Variants in ADAM11 observed in about 807,000 individuals in gnomAD.
ADAM11 encodes the protein disintegrin and metalloproteinase domain-containing protein 11.
A neutral mutation model predicts 119.1 loss-of-function variants in ADAM11; 49 were observed. That is an observed-to-expected ratio of 0.41 (90% CI 0.33 to 0.52). The LOEUF is 0.52. Among genes scored for constraint, ADAM11 ranks in the 20% least tolerant of loss-of-function variants. ADAM11 has a pLI of 0.20. For synonymous variants in ADAM11, 364 were observed against 408.0 expected, an observed-to-expected ratio of 0.89 and a Z score of 1.30; for missense variants, 777 against 1,047.5, an observed-to-expected ratio of 0.74 and a Z score of 3.56.
chr17:44,781,154 A>T lies in ADAM11; in HGVS notation c.*1400A>T. ...GTTGCCCTGCCCTCACTCGGCAGGG[A>T]GTTCTGACACCCCAGGGCCCGTGAG... On this transcript the variant is annotated 3_prime_UTR_variant, in exon 27 of 27. Coordinates refer to ENST00000200557, the MANE Select transcript of ADAM11 (RefSeq NM_002390.6). The T allele has an allele frequency of 6.6e-6, 1 of 152,176 alleles. No homozygotes were observed. The highest frequency in any genetic ancestry group is 1.9e-4 in the East Asian group (1 of 5,194). 9.4% of individuals were successfully genotyped at this position (152,176 alleles called of 1,614,324 possible).
intron 2 of ADAM11, among the ~76,000 whole-genome samples, chr17:44,764,287 G>C (rs1478491310): frequency 6.6e-5 from 10 of 152,226 alleles, no homozygotes; most frequent in Admixed American, 6.5e-4. Context: ...GTGGGTGTGT[G>C]CTGCAACAGT....
chr17:44,759,289 C>T (rs925593329), intron 1 of ADAM11, 29 bp downstream of exon 1: 53 of 1,366,818 alleles, frequency 3.9e-5, no homozygotes, highest in Non-Finnish European at 4.8e-5. Context: ...GCCCCGGCGC[C>T]CCCTCCCTGC....
At chr17:44,779,159 T>A (rs2049654548) in intron 25 of ADAM11, 63 bp from the exon 26 acceptor site, 2 of 1,562,712 alleles carry the variant, frequency 1.3e-6, no homozygotes, top group South Asian at 2.4e-5. Context: ...GGCCCCTCCC[T>A]GAGAGAAGCA....
rs1349719343 is a variant in ADAM11, at chr17:44,772,860, C to T, written c.682C>T (p.Arg228Cys). The T allele has an allele frequency of 2.0e-5, 33 of 1,613,932 alleles. No individual in the cohort carries two copies. Among genetic ancestry groups the T allele is most frequent in the Non-Finnish European group, 2.5e-5 (30 of 1,179,962 alleles). The change falls in exon 9 of 27, where the codon CGC (arginine) becomes TGC (cysteine). Residue 228 changes from arginine to cysteine, a missense_variant. Transcript: ENST00000200557. The surrounding 1 kb of genome is among the most constrained non-coding windows in gnomAD (Gnocchi z 4.5). ...CAAGTGCCCACCCACCCCCCAGGTC[C>T]GCCGGGGCCACCCTACAGTGCACAG... ...RPRLRRKRQV[R>C]RGHPTVHSET...
intron 2 of ADAM11, among the ~76,000 whole-genome samples, 190 bp downstream of exon 2, chr17:44,760,087 C>T (rs1239819217): frequency 6.6e-6 from 1 of 152,168 alleles, no homozygotes; most frequent in Admixed American, 6.5e-5. Context: ...CCCAGGGCCC[C>T]CTTCCATTAT....
Position 44,780,112 on chromosome 17 carries a change from C to T in ADAM11, c.*358C>T, listed in dbSNP as rs2049672484. On this transcript the variant is annotated 3_prime_UTR_variant, in exon 27 of 27. Coordinates refer to ENST00000200557, the MANE Select transcript of ADAM11 (RefSeq NM_002390.6). ...CACCAGTGGACCTAGCCTGGATGGC[C>T]CCTCCTTGCAACCAGGCAGCTGAGA... 2 of 625,494 alleles carry T rather than the reference C, an allele frequency of 3.2e-6. No homozygotes were observed. The highest frequency in any genetic ancestry group is 6.0e-6 in the Non-Finnish European group (2 of 334,796). The allele number at this position is 625,494 out of a possible 1,614,324, so 38.7% of individuals were successfully genotyped here. A position where few individuals can be genotyped will look rare whatever the true frequency, so the allele number is the denominator to read the frequency against.
chr17:44,766,703 G>A (rs370624951), intron 2 of ADAM11, among the ~76,000 whole-genome samples: 6 of 151,700 alleles, frequency 4.0e-5, no homozygotes, highest in African/African-American at 1.2e-4. Context: ...GCCTGGGCAC[G>A]TTGAGATCAA....
intron 25 of ADAM11, 105 bp from the exon 26 acceptor site, chr17:44,779,117 G>C (rs2049653708): frequency 6.9e-7 from 1 of 1,456,626 alleles, no homozygotes; most frequent in African/African-American, 1.5e-5. Context: ...CCCCGGCCCC[G>C]CTCTGGGGCA....
intron 1 of ADAM11, 143 bp downstream of exon 1, chr17:44,759,403 G>A: frequency 7.9e-7 from 1 of 1,258,338 alleles, no homozygotes. Flanking sequence ...AGCGGGAGAG[G>A]AGGGAAGGTG....
At chr17:44,764,527 C>T (rs918272037) in intron 2 of ADAM11, among the ~76,000 whole-genome samples, 6 of 152,058 alleles carry the variant, frequency 3.9e-5, no homozygotes, top group Non-Finnish European at 8.8e-5. Flanking sequence ...TTTGCTGGGC[C>T]CAGCTTGTTC....
At chr17:44,770,501 C>A (rs867724262) in intron 4 of ADAM11, among the ~76,000 whole-genome samples, 1 of 10,710 alleles carries the variant, frequency 9.3e-5, no homozygotes, top group African/African-American at 2.7e-4. Flanking sequence ...CCCCCCCCCG[C>A]CCCCACTGCC....
chr17:44,780,322 G>T lies in ADAM11; in HGVS notation c.*568G>T. ...GGCCATGCCCTAGACCCTCCCCAAG[G>T]ATGACCACACCCGAAGTCCTGTCAC... On this transcript the variant is annotated 3_prime_UTR_variant, in exon 27 of 27. Coordinates refer to ENST00000200557, the MANE Select transcript of ADAM11 (RefSeq NM_002390.6). The T allele has an allele frequency of 2.8e-6, 1 of 362,314 alleles. No individual in the cohort carries two copies. Among genetic ancestry groups the T allele is most frequent in the East Asian group, 7.8e-5 (1 of 12,856 alleles). The allele number at this position is 362,314 out of a possible 1,614,324, so 22.4% of individuals were successfully genotyped here. A position where few individuals can be genotyped will look rare whatever the true frequency, so the allele number is the denominator to read the frequency against.
At position 44,777,615 on chromosome 17, in the gene ADAM11, C is replaced by A; in HGVS notation, c.1901+14C>A. ...GCTGGACTGCAGGTGCTGGCCAGGA[C>A]CAAGACTAGGGAGGGGAGGTTGCAG... On this transcript the variant is annotated intron_variant, in intron 22 of 26. Coordinates refer to ENST00000200557, the MANE Select transcript of ADAM11 (RefSeq NM_002390.6). The surrounding 1 kb of genome is among the most constrained non-coding windows in gnomAD (Gnocchi z 5.1). 6.2e-7 allele frequency: 1 copy of A among 1,613,998 alleles called. No homozygotes were observed. The highest frequency in any genetic ancestry group is 8.5e-7 in the Non-Finnish European group (1 of 1,179,984).
chr17:44,780,912 C>G lies in ADAM11; in HGVS notation c.*1158C>G, dbSNP rs1598898169. On this transcript the variant is annotated 3_prime_UTR_variant, in exon 27 of 27. Coordinates refer to ENST00000200557, the MANE Select transcript of ADAM11 (RefSeq NM_002390.6). ...AGATGTTTCCCCCATTACGTACCCCCACCCATCCCTGCTGCAGCGAGCCTG... is the reference window on the plus strand; with the variant it reads ...AGATGTTTCCCCCATTACGTACCCCGACCCATCCCTGCTGCAGCGAGCCTG... 1 of 152,866 alleles carries G rather than the reference C, an allele frequency of 6.5e-6. No individual in the cohort carries two copies. Among genetic ancestry groups the G allele is most frequent in the Non-Finnish European group, 1.5e-5 (1 of 68,266 alleles). 9.5% of individuals were successfully genotyped at this position (152,866 alleles called of 1,614,324 possible). A position where few individuals can be genotyped will look rare whatever the true frequency, so the allele number is the denominator to read the frequency against.
In ADAM11 at chr17:44,771,593, G is replaced by A. The variant is rs142131788; in HGVS notation, c.391G>A (p.Asp131Asn). Residue 131 changes from aspartate (D) to asparagine (N), a missense_variant, in exon 5 of 27, where the codon GAC becomes AAC. Physicochemically the swap from Asp to Asn is conservative, Grantham distance 23 (BLOSUM62 1). Around this residue, in one of 4 missense-constraint regions of ADAM11, gnomAD observed 278 missense variants for 310.1 expected, o/e 0.90. Coordinates refer to ENST00000200557, the MANE Select transcript of ADAM11 (RefSeq NM_002390.6). ...TGTTCTGCTCCTTCAGGGGGCTGGA[G>A]ACCACTGCTACTACCAGGGGAAGCT... ...GTTQHSTGAG[D>N]HCYYQGKLRG... 6 of 1,611,432 alleles carry A rather than the reference G, an allele frequency of 3.7e-6. No individual in the cohort carries two copies. In the Admixed American group the frequency reaches 6.7e-5, roughly 18 times the overall value.
chr17:44,769,841 G>A (rs1442322471), intron 3 of ADAM11, 47 bp downstream of exon 3: 2 of 1,607,158 alleles, frequency 1.2e-6, no homozygotes, highest in African/African-American at 1.3e-5. Flanking sequence ...GTGGGGCGGG[G>A]GAGACATGGC....
intron 11 of ADAM11, among the ~76,000 whole-genome samples, 192 bp from the exon 12 acceptor site, chr17:44,774,103 G>GAAAAAC (rs1476983038): frequency 6.6e-6 from 1 of 151,272 alleles, no homozygotes; most frequent in Admixed American, 6.6e-5. Context: ...AAAGAAAAAA[G>GAAAAAC]AAAAAGAAAG....
intron 25 of ADAM11, among the ~76,000 whole-genome samples, chr17:44,778,743 A>G (rs893920466): frequency 3.3e-5 from 5 of 151,248 alleles, no homozygotes; most frequent in Non-Finnish European, 7.4e-5. Context: ...AAGAAAAGAG[A>G]AAAGAAATCA....
In ADAM11 at chr17:44,776,227, C is replaced by G; in HGVS notation, c.1566+20C>G. 1 of 1,612,496 alleles carries G rather than the reference C, an allele frequency of 6.2e-7. No individual in the cohort carries two copies. The highest frequency in any genetic ancestry group is 8.5e-7 in the Non-Finnish European group (1 of 1,179,562). The stretch of plus-strand genomic sequence containing the variant: ...AGCCAGGTCCGCCCGGCCCCGCCGT[C>G]TTGTGGAGCCCTGGGCGAGGCAACC... On this transcript the variant is annotated intron_variant, in intron 18 of 26. Transcript: ENST00000200557. This position sits in a 1 kb window ranked among gnomAD's most constrained non-coding sequence, Gnocchi z 5.2.
Sources: allele counts gnomAD v4.1 joint callset (sites outside exome capture counted in the v4.1 genomes callset), GRCh38; gene constraint gnomAD v4.1.1; regional missense constraint gnomAD v4.1.1; non-coding constraint Gnocchi (gnomAD v3.1); transcripts MANE v1.5; gene names NCBI Gene and HGNC (gene_info 2026-07-23, HGNC 2026-07-21).